The following CDKAL1 variants were observed in gnomAD, a reference collection of about 807,000 sequenced individuals.
The protein encoded by CDKAL1 is CDKAL1 threonylcarbamoyladenosine tRNA methylthiotransferase, also known as threonylcarbamoyladenosine tRNA methylthiotransferase.
Under a neutral mutation model 68.2 loss-of-function variants are expected in CDKAL1, and 32 were observed. The observed-to-expected ratio is 0.47, with a 90% CI of 0.35 to 0.63. CDKAL1 has a LOEUF of 0.63. Among genes scored for constraint, CDKAL1 ranks in the 30% least tolerant of loss-of-function variants. The pLI, the probability that CDKAL1 is intolerant of heterozygous loss-of-function variation, is 0.00. For missense variants in CDKAL1, 606 were observed against 696.7 expected, an observed-to-expected ratio of 0.87 and a Z score of 1.47; for synonymous variants, 234 against 244.3, an observed-to-expected ratio of 0.96 and a Z score of 0.39.
intron 8 of CDKAL1, among the ~76,000 whole-genome samples, chr6:20,782,794 A>C (rs1444557650): frequency 6.6e-6 from 1 of 150,944 alleles, no homozygotes; most frequent in Non-Finnish European, 1.5e-5. Flanking sequence ...TATTGACTGA[A>C]TGAATGAATA....
At chr6:21,151,195 A>T (rs949431764) in intron 13 of CDKAL1, among the ~76,000 whole-genome samples, 2 of 152,254 alleles carry the variant, frequency 1.3e-5, no homozygotes, top group Non-Finnish European at 2.9e-5. Context: ...AACAAATGTC[A>T]TAGCATTTCT....
intron 9 of CDKAL1, among the ~76,000 whole-genome samples, chr6:20,851,915 AATG>A (rs1759033977): frequency 6.6e-6 from 1 of 152,056 alleles, no homozygotes; most frequent in Non-Finnish European, 1.5e-5. Context: ...ATTTGACTGT[AATG>A]ATGATTAGTA....
At position 21,220,535 on chromosome 6, in the gene CDKAL1, C is replaced by T. The variant is rs1004495182; in HGVS notation, c.1549-10313C>T. ...GAAGTTATGTATAAACAAATGCCAGCGCACCACTGTTGGCAAAGATTTCTA... is the reference window on the plus strand; with the variant it reads ...GAAGTTATGTATAAACAAATGCCAGTGCACCACTGTTGGCAAAGATTTCTA... On this transcript the variant is annotated intron_variant, in intron 15 of 15. Coordinates refer to ENST00000274695, the MANE Select transcript of CDKAL1 (RefSeq NM_017774.3). 2.0e-5 allele frequency among the ~76,000 whole-genome samples: 3 copies of T among 152,174 alleles called. No individual in the cohort carries two copies. The East Asian group carries it at 5.8e-4, about 29-fold the overall frequency.
chr6:20,804,650 G>A (rs189264703), intron 8 of CDKAL1, among the ~76,000 whole-genome samples: 71 of 152,264 alleles, frequency 4.7e-4, no homozygotes, highest in Middle Eastern at 3.4e-3. Flanking sequence ...TGCAGTGGCA[G>A]AATTGAGCAG....
chr6:21,033,272 A>G (rs1769394254), intron 11 of CDKAL1, among the ~76,000 whole-genome samples: 1 of 152,204 alleles, frequency 6.6e-6, no homozygotes, highest in South Asian at 2.1e-4. Flanking sequence ...AATAGTGACC[A>G]TTGATGAGAT....
intron 9 of CDKAL1, among the ~76,000 whole-genome samples, chr6:20,872,643 A>G (rs1056993345): frequency 2.0e-4 from 30 of 152,204 alleles, no homozygotes; most frequent in African/African-American, 6.5e-4. Flanking sequence ...AAATTATTGA[A>G]GCCTTGTGTC....
At chr6:21,223,767 C>T (rs537268233) in intron 15 of CDKAL1, among the ~76,000 whole-genome samples, 3 of 152,166 alleles carry the variant, frequency 2.0e-5, no homozygotes, top group Non-Finnish European at 4.4e-5. Context: ...TCTCTTGGGG[C>T]CAAAAGACCT....
intron 4 of CDKAL1, chr6:20,558,461 G>T: frequency 2.2e-6 from 1 of 453,036 alleles, no homozygotes; most frequent in South Asian, 1.6e-5. Flanking sequence ...TGGCAGTGCG[G>T]TCTGTATGAT....
At chr6:21,211,467 A>G (rs1021667172) in intron 15 of CDKAL1, among the ~76,000 whole-genome samples, 3 of 152,218 alleles carry the variant, frequency 2.0e-5, no homozygotes, top group Admixed American at 6.5e-5. Context: ...AAGATGTACC[A>G]TTTAGTTTGT....
chr6:20,955,300 A>C (rs1764724565), intron 9 of CDKAL1, 119 bp from the exon 10 acceptor site: 1 of 1,009,054 alleles, frequency 9.9e-7, no homozygotes, highest in East Asian at 2.4e-5. Flanking sequence ...TCTGCAATTG[A>C]ATACCCAGAC....
At chr6:20,660,394 G>T (rs777493017) in intron 5 of CDKAL1, among the ~76,000 whole-genome samples, 20 of 152,164 alleles carry the variant, frequency 1.3e-4, no homozygotes, top group Non-Finnish European at 2.8e-4. Context: ...ATTTGTCAAC[G>T]GTTGTAAGAA....
chr6:20,703,362 C>T (rs1167760495), intron 5 of CDKAL1, among the ~76,000 whole-genome samples: 1 of 151,936 alleles, frequency 6.6e-6, no homozygotes, highest in Non-Finnish European at 1.5e-5. Flanking sequence ...CTATATGGCT[C>T]ACAAAATCTA....
intron 9 of CDKAL1, among the ~76,000 whole-genome samples, chr6:20,880,670 A>G (rs1405953532): frequency 1.3e-5 from 2 of 152,142 alleles, no homozygotes; most frequent in Admixed American, 1.3e-4. Flanking sequence ...CCTGTATCTT[A>G]TACTGTATAC....
intron 14 of CDKAL1, among the ~76,000 whole-genome samples, chr6:21,199,472 C>T (rs959478644): frequency 6.6e-5 from 10 of 152,206 alleles, no homozygotes. Flanking sequence ...TTCTGCTCAG[C>T]CCTGGGGAGG....
chr6:20,739,481 G>C (rs751780911), intron 5 of CDKAL1, 38 bp from the exon 6 acceptor site: 4 of 1,323,490 alleles, frequency 3.0e-6, no homozygotes. Context: ...ATACCCATGA[G>C]CAAAGGAATT....
chr6:20,872,463 T>TGGGTTTAGAAGATGATAGAGTTATATGGA (rs1760273483), intron 9 of CDKAL1, among the ~76,000 whole-genome samples: 1 of 152,186 alleles, frequency 6.6e-6, no homozygotes, highest in South Asian at 2.1e-4. Context: ...AAGTTGGGTT[T>TGGGTTTAGAAGATGATAGAGTTATATGGA]CAAAGAACAC....
chr6:21,130,153 C>T (rs978288770), intron 13 of CDKAL1, among the ~76,000 whole-genome samples: 1 of 151,016 alleles, frequency 6.6e-6, no homozygotes, highest in Non-Finnish European at 1.5e-5. Context: ...ACAAGAACAC[C>T]CTTTTTTTCC....
chr6:20,596,231 G>C (rs1765817076), intron 4 of CDKAL1, among the ~76,000 whole-genome samples: 1 of 152,150 alleles, frequency 6.6e-6, no homozygotes, highest in East Asian at 1.9e-4. Context: ...CGGCAGGCAG[G>C]AATGTTTAAG....
chr6:21,045,935 A>G (rs1414237770), intron 11 of CDKAL1, among the ~76,000 whole-genome samples: 2 of 152,192 alleles, frequency 1.3e-5, no homozygotes, highest in Non-Finnish European at 2.9e-5. Context: ...GCACTATTTA[A>G]CATTCACTGC....
Sources: allele counts gnomAD v4.1 joint callset (sites outside exome capture counted in the v4.1 genomes callset), GRCh38; gene constraint gnomAD v4.1.1; transcripts MANE v1.5; gene names NCBI Gene and HGNC (gene_info 2026-07-23, HGNC 2026-07-21).